Variants in SBF2 observed in about 807,000 individuals in gnomAD.
SBF2 encodes the protein myotubularin-related protein 13.
A neutral mutation model predicts 225.2 loss-of-function variants in SBF2; 112 were observed. That is an observed-to-expected ratio of 0.50 (90% CI 0.43 to 0.58). The LOEUF (loss-of-function observed/expected upper bound fraction) is 0.58. Among genes scored for constraint, SBF2 ranks in the 20% least tolerant of loss-of-function variants. SBF2 has a pLI of 0.00. For synonymous variants in SBF2, 763 were observed against 773.3 expected (o/e 0.99, Z 0.22); for missense variants, 1,996 against 2,206.2 (o/e 0.90, Z 1.91).
chr11:9,846,007 T>C (rs1161892306), intron 23 of SBF2, among the ~76,000 whole-genome samples: 1 of 152,222 alleles, frequency 6.6e-6, no homozygotes, highest in Non-Finnish European at 1.5e-5. Flanking sequence ...TAGGGAATTG[T>C]ATAGCAAACA....
chr11:10,246,821 T>TCTCA (rs1364915136), intron 1 of SBF2, among the ~76,000 whole-genome samples: 1 of 152,142 alleles, frequency 6.6e-6, no homozygotes, highest in African/African-American at 2.4e-5. Context: ...ATGCCTGTAA[T>TCTCA]CTCACCACTT....
At chr11:10,004,392 A>G (rs1449062371) in intron 6 of SBF2, among the ~76,000 whole-genome samples, 1 of 151,964 alleles carries the variant, frequency 6.6e-6, no homozygotes, top group Non-Finnish European at 1.5e-5. Context: ...ATGTATTATC[A>G]TGACTAACTC....
intron 6 of SBF2, among the ~76,000 whole-genome samples, chr11:10,005,886 T>C (rs2403259): frequency 0.52 from 79,586 of 151,868 alleles, 21,376 homozygotes; most frequent in Admixed American, 0.61. Flanking sequence ...GCTCTGTTCC[T>C]CAAGCTCATC....
chr11:9,979,894 CAAACTCCTTGGCT>C (rs1946866551), intron 13 of SBF2, among the ~76,000 whole-genome samples: 1 of 150,950 alleles, frequency 6.6e-6, no homozygotes, highest in Non-Finnish European at 1.5e-5. Context: ...ACTGCAGCCT[CAAACTCCTTGGCT>C]GAACTCCTGG....
intron 28 of SBF2, among the ~76,000 whole-genome samples, chr11:9,820,104 T>C (rs962045934): frequency 1.3e-5 from 2 of 152,184 alleles, no homozygotes; most frequent in South Asian, 2.1e-4. Context: ...AAACCAAAAA[T>C]TGTGAGCAGT....
intron 17 of SBF2, among the ~76,000 whole-genome samples, chr11:9,893,408 C>T (rs576223409): frequency 1.3e-5 from 2 of 152,220 alleles, no homozygotes; most frequent in East Asian, 3.9e-4. Context: ...TGGAACTGGC[C>T]CTTATAAACA....
At chr11:10,067,750 A>G (rs1194543761) in intron 2 of SBF2, among the ~76,000 whole-genome samples, 1 of 151,982 alleles carries the variant, frequency 6.6e-6, no homozygotes, top group Non-Finnish European at 1.5e-5. Context: ...ACGACAACCA[A>G]AAAACAAAAA....
intron 32 of SBF2, among the ~76,000 whole-genome samples, chr11:9,797,520 G>A (rs812966): frequency 0.053 from 8,013 of 152,260 alleles, 590 homozygotes; most frequent in African/African-American, 0.16. Flanking sequence ...GGACAGCAGA[G>A]CTTTCCATGG....
intron 13 of SBF2, among the ~76,000 whole-genome samples, chr11:9,969,172 T>C (rs1299468428): frequency 1.3e-5 from 2 of 152,234 alleles, no homozygotes; most frequent in African/African-American, 4.8e-5. Context: ...TTATCTTTAA[T>C]GCCATTCTCT....
chr11:10,151,926 C>T (rs1591075886), intron 2 of SBF2, among the ~76,000 whole-genome samples: 1 of 152,172 alleles, frequency 6.6e-6, no homozygotes, highest in African/African-American at 2.4e-5. Context: ...TTCAGGAACA[C>T]ATACTTTTAT....
At chr11:10,176,648 T>C (rs1219669776) in intron 2 of SBF2, among the ~76,000 whole-genome samples, 1 of 152,036 alleles carries the variant, frequency 6.6e-6, no homozygotes, top group African/African-American at 2.4e-5. Flanking sequence ...CAGGAAGAAG[T>C]TGAATCTCTG....
chr11:10,178,410 T>G lies in SBF2; in HGVS notation c.141+15492A>C, dbSNP rs530295391. ...CTACCATCAGAGTGAACAGGCAACC[T>G]ACAAAATGGGAGAAAATTTTCACAA... On this transcript the variant is annotated intron_variant, in intron 2 of 39. Transcript: ENST00000256190. Among the ~76,000 whole-genome samples, 180 of 140,746 alleles carry G rather than the reference T, an allele frequency of 1.3e-3. 2 individuals are homozygous for G. The highest frequency in any genetic ancestry group is 4.6e-3 in the African/African-American group (172 of 37,224). 92.3% of individuals were successfully genotyped at this position (140,746 alleles called of 152,430 possible).
chr11:10,084,262 T>C (rs879527663), intron 2 of SBF2, among the ~76,000 whole-genome samples: 2 of 148,950 alleles, frequency 1.3e-5, no homozygotes, highest in African/African-American at 4.9e-5. Context: ...AAAAAAAGTG[T>C]GCAAAAGACA....
chr11:9,911,433 T>C (rs1405367760), intron 16 of SBF2, among the ~76,000 whole-genome samples: 1 of 150,312 alleles, frequency 6.7e-6, no homozygotes, highest in African/African-American at 2.4e-5. Context: ...TGAAAGAAAA[T>C]ATTTTTGTAT....
chr11:10,103,633 TA>T (rs1379359909), intron 2 of SBF2, among the ~76,000 whole-genome samples: 4 of 152,368 alleles, frequency 2.6e-5, no homozygotes, highest in South Asian at 4.1e-4. Flanking sequence ...TAATCAGCTG[TA>T]AAACTCTAAC....
intron 22 of SBF2, among the ~76,000 whole-genome samples, chr11:9,848,055 C>A (rs1856678736): frequency 7.2e-6 from 1 of 138,014 alleles, no homozygotes; most frequent in African/African-American, 2.6e-5. Context: ...ACAGGAGTGG[C>A]AATGAACAAG....
chr11:9,911,201 T>C (rs898127932), intron 16 of SBF2, among the ~76,000 whole-genome samples: 2 of 151,494 alleles, frequency 1.3e-5, no homozygotes, highest in Non-Finnish European at 2.9e-5. Flanking sequence ...ACCCCGTCTC[T>C]ACTAAAAATA....
At chr11:9,796,735 C>T (rs1853149000) in intron 32 of SBF2, among the ~76,000 whole-genome samples, 1 of 152,146 alleles carries the variant, frequency 6.6e-6, no homozygotes, top group South Asian at 2.1e-4. Flanking sequence ...AAAGATAGTT[C>T]AAGTGCCAAG....
intron 1 of SBF2, among the ~76,000 whole-genome samples, chr11:10,206,885 A>G (rs1957770501): frequency 6.6e-6 from 1 of 152,068 alleles, no homozygotes; most frequent in South Asian, 2.1e-4. Flanking sequence ...TATTCATATC[A>G]CTGGAGTCCC....
Sources: gnomAD v4.1 joint callset for allele counts (sites outside exome capture counted in the v4.1 genomes callset) on GRCh38, gnomAD v4.1.1 for gene constraint, MANE v1.5 for transcripts, NCBI Gene and HGNC (gene_info 2026-07-23, HGNC 2026-07-21) for gene names.